ARLN: variants seen among roughly 807,000 people sequenced by gnomAD.
The protein encoded by ARLN is allregulin.
chr4:119,299,635 G>A, the ARLN span, among the ~76,000 whole-genome samples: 121 of 152,268 alleles, frequency 7.9e-4, no homozygotes, highest in African/African-American at 2.8e-3. Flanking sequence ...AGCGAGTGGC[G>A]ATGAAAATGG....
At chr4:119,304,010 C>G in the ARLN span, among the ~76,000 whole-genome samples, 6 of 152,194 alleles carry the variant, frequency 3.9e-5, no homozygotes, top group African/African-American at 1.4e-4. Context: ...CTCAGCCAAC[C>G]TGGTACCCAG....
At chr4:119,300,858 C>A in the ARLN span, 104 of 1,410,694 alleles carry the variant, frequency 7.4e-5, no homozygotes, top group African/African-American at 1.2e-3. Flanking sequence ...TCTCGTCCCC[C>A]TGAAAGGCCC....
chr4:119,298,026 TATTA>T, the ARLN span: 1 of 152,186 alleles, frequency 6.6e-6, no homozygotes, highest in South Asian at 2.1e-4. Context: ...AAGTTACAGA[TATTA>T]TACAAGTAAA....
chr4:119,300,270 C>T, the ARLN span: 2 of 1,328,832 alleles, frequency 1.5e-6, no homozygotes, highest in South Asian at 1.3e-5. Flanking sequence ...GTCCCCTCCC[C>T]GCCCAAAAGC....
At chr4:119,300,621 CG>C in the ARLN span, 4 of 1,596,092 alleles carry the variant, frequency 2.5e-6, no homozygotes, top group African/African-American at 1.3e-5. Context: ...GGAAACTGAG[CG>C]GAGTCCGGCC....
chr4:119,303,173 T>C, the ARLN span, among the ~76,000 whole-genome samples: 5 of 152,126 alleles, frequency 3.3e-5, no homozygotes, highest in Admixed American at 1.3e-4. Context: ...CACAGGTTAT[T>C]TCTCCATCTT....
chr4:119,304,383 A>G, the ARLN span: 205 of 1,536,788 alleles, frequency 1.3e-4, no homozygotes, highest in Non-Finnish European at 1.6e-4. Context: ...TTTGGCACCT[A>G]TTATTTCCCT....
chr4:119,300,618 G>A, the ARLN span: 3 of 1,600,936 alleles, frequency 1.9e-6, no homozygotes, highest in Non-Finnish European at 2.6e-6. Context: ...ACCGGAAACT[G>A]AGCGGAGTCC....
the ARLN span, chr4:119,300,622 G>A: frequency 3.3e-4 from 527 of 1,596,552 alleles, 5 homozygotes; most frequent in South Asian, 4.8e-3. Flanking sequence ...GAAACTGAGC[G>A]GAGTCCGGCC....
the ARLN span, among the ~76,000 whole-genome samples, chr4:119,302,932 G>A: frequency 1.3e-5 from 2 of 152,134 alleles, no homozygotes; most frequent in Non-Finnish European, 1.5e-5. Flanking sequence ...CAAATTTTTC[G>A]TATGCAGCTC....
the ARLN span, chr4:119,300,710 G>C: frequency 6.5e-7 from 1 of 1,527,646 alleles, no homozygotes; most frequent in Non-Finnish European, 8.8e-7. Flanking sequence ...CGCCTGGCTC[G>C]GCTTTCCGCT....
At chr4:119,304,322 C>G in the ARLN span, 1 of 1,537,066 alleles carries the variant, frequency 6.5e-7, no homozygotes, top group African/African-American at 1.4e-5. Context: ...GTTATTTTCT[C>G]AAGATCAAGG....
the ARLN span, among the ~76,000 whole-genome samples, chr4:119,303,944 A>T: frequency 6.6e-6 from 1 of 152,084 alleles, no homozygotes; most frequent in South Asian, 2.1e-4. Context: ...TTTTATCTTC[A>T]TCTTGGCCTT....
At chr4:119,300,505 G>C in the ARLN span, 1 of 1,613,960 alleles carries the variant, frequency 6.2e-7, no homozygotes, top group Admixed American at 1.7e-5. Context: ...AGACCATCTC[G>C]ACCATCAACA....
chr4:119,302,662 G>A, the ARLN span, among the ~76,000 whole-genome samples: 3 of 152,176 alleles, frequency 2.0e-5, no homozygotes, highest in South Asian at 4.1e-4. Flanking sequence ...TACTTCACAT[G>A]TTCAACTGAA....
the ARLN span, chr4:119,300,390 C>T: frequency 2.5e-6 from 4 of 1,613,644 alleles, no homozygotes; most frequent in Non-Finnish European, 3.4e-6. Context: ...GATGAAAAGC[C>T]AGAGGTCCAA....
At chr4:119,303,231 CT>C in the ARLN span, among the ~76,000 whole-genome samples, 3,272 of 111,186 alleles carry the variant, frequency 0.029, 31 homozygotes, top group East Asian at 0.069. Context: ...CTCTTCAATT[CT>C]TTTTTTTTTT....
chr4:119,302,616 A>G, the ARLN span, among the ~76,000 whole-genome samples: 1 of 152,240 alleles, frequency 6.6e-6, no homozygotes, highest in East Asian at 1.9e-4. Context: ...TCAGTCATGC[A>G]ATACCTCGGC....
the ARLN span, among the ~76,000 whole-genome samples, chr4:119,302,244 A>C: frequency 6.6e-6 from 1 of 152,226 alleles, no homozygotes; most frequent in African/African-American, 2.4e-5. Flanking sequence ...GCCCAGAGTC[A>C]CATGCTCATC....
Sources: gnomAD v4.1 joint callset for allele counts (sites outside exome capture counted in the v4.1 genomes callset) on GRCh38, gnomAD v4.1.1 for gene constraint, MANE v1.5 for transcripts, NCBI Gene and HGNC (gene_info 2026-07-23, HGNC 2026-07-21) for gene names.